The following POLR2M variants were observed in gnomAD, a reference collection of about 807,000 sequenced individuals.
POLR2M encodes the protein RNA polymerase II subunit M.
In POLR2M, 30 loss-of-function variants were observed where a neutral mutation model predicts 34.6. The ratio of observed to expected loss-of-function variants is 0.87; its 90% CI spans 0.65 to 1.18. The LOEUF (loss-of-function observed/expected upper bound fraction) is 1.18. POLR2M is among the 50% of genes most tolerant of loss of function. The pLI is 0.00. For missense variants in POLR2M, 432 were observed against 448.7 expected (o/e 0.96, Z 0.34); for synonymous variants, 150 against 166.7 (o/e 0.90, Z 0.77).
chr15:57,713,451 T>G (rs1172096476), intron 3 of POLR2M, among the ~76,000 whole-genome samples: 3 of 152,074 alleles, frequency 2.0e-5, no homozygotes, highest in Non-Finnish European at 2.9e-5. Flanking sequence ...AGCAGAGAAG[T>G]TGTAGTGGTA....
chr15:57,709,857 C>A (rs535999932), intron 2 of POLR2M, among the ~76,000 whole-genome samples: 1 of 152,188 alleles, frequency 6.6e-6, no homozygotes, highest in Non-Finnish European at 1.5e-5. Context: ...AGTGTACTCT[C>A]TTTGATTAGT....
intron 3 of POLR2M, among the ~76,000 whole-genome samples, chr15:57,712,941 A>G (rs1323374073): frequency 6.6e-6 from 1 of 152,184 alleles, no homozygotes; most frequent in Non-Finnish European, 1.5e-5. Context: ...TTGATTAGCT[A>G]GATTTTAGTC....
At position 57,711,985 on chromosome 15, in the gene POLR2M, T is replaced by C. The variant is rs200956600; in HGVS notation, c.760T>C (p.Leu254=). The C allele has an allele frequency of 6.2e-6, 10 of 1,614,010 alleles. No homozygotes were observed. The highest frequency in any genetic ancestry group is 5.9e-6 in the Non-Finnish European group (7 of 1,179,894). The change falls in exon 3 of 4, where the codon TTA becomes CTA. Residue 254 remains leucine (L), a splice_region_variant and synonymous_variant. Coordinates refer to ENST00000299638, the MANE Select transcript of POLR2M (RefSeq NM_015532.5). ...PQLRKFKTNV[L]PFRQNDSSSH... is the part of the protein sequence containing the mutation. ...TAACACAAGTTTTCCTTTCATCAGG[T>C]TACCTTTTCGACAAAATGATTCATC...
Position 57,708,905 on chromosome 15 carries a change from C to G in POLR2M, c.305C>G (p.Ser102Cys), listed in dbSNP as rs139100969. The change falls in exon 2 of 4, where the codon TCT becomes TGT. Residue 102 changes from serine (S) to cysteine (C), a missense_variant. Physicochemically the swap from Ser to Cys is moderately radical, Grantham distance 112. Transcript: ENST00000299638. ...VDVGTDKAQN[S>C]DPILDTSSLV... ...GTGGGTACAGATAAGGCCCAGAATT[C>G]TGACCCGATACTTGATACTTCATCA... The G allele has an allele frequency of 1.9e-6, 3 of 1,614,112 alleles. No individual in the cohort carries two copies. The highest frequency in any genetic ancestry group is 2.5e-6 in the Non-Finnish European group (3 of 1,179,974).
chr15:57,711,508 C>T (rs1595985639), intron 2 of POLR2M, among the ~76,000 whole-genome samples: 1 of 152,234 alleles, frequency 6.6e-6, no homozygotes, highest in African/African-American at 2.4e-5. Flanking sequence ...TGCTGGGATG[C>T]ACTTCTCTCC....
At chr15:57,712,694 G>T (rs2040781940) in intron 3 of POLR2M, among the ~76,000 whole-genome samples, 1 of 152,190 alleles carries the variant, frequency 6.6e-6, no homozygotes, top group African/African-American at 2.4e-5. Flanking sequence ...ATAATCTGCA[G>T]GCCCATGTGA....
intron 2 of POLR2M, among the ~76,000 whole-genome samples, chr15:57,710,762 G>C (rs368804781): frequency 6.6e-6 from 1 of 152,212 alleles, no homozygotes; most frequent in Non-Finnish European, 1.5e-5. Flanking sequence ...GAGACAGGGA[G>C]CCTCCTGTAT....
In POLR2M at chr15:57,716,068, G is replaced by T. The variant is rs543015717; in HGVS notation, c.*1389G>T. On this transcript the variant is annotated 3_prime_UTR_variant, in exon 4 of 4. Coordinates refer to ENST00000299638, the MANE Select transcript of POLR2M (RefSeq NM_015532.5). ...AAGAGTTCATGTGCCTGGACACACA[G>T]TTCCCTGTAATCCTGCCATCTAGGG... 1.3e-5 allele frequency: 2 copies of T among 152,418 alleles called. No individual in the cohort carries two copies. The highest frequency in any genetic ancestry group is 4.1e-4 in the South Asian group (2 of 4,834). 9.4% of individuals were successfully genotyped at this position (152,418 alleles called of 1,614,324 possible).
intron 3 of POLR2M, among the ~76,000 whole-genome samples, chr15:57,713,826 T>C (rs1487948226): frequency 0.026 from 228 of 8,726 alleles, 7 homozygotes; most frequent in African/African-American, 0.047. Context: ...CCTTCTTTTT[T>C]TTTTTTTTTT....
In POLR2M at chr15:57,714,696, C is replaced by CA. The variant is rs2040875814; in HGVS notation, c.*18dup. ...GAATTCTGAAGATAATCTCCTAAAT[C>CA]ACTGACGTTGAGATGTCATCATCTT... On this transcript the variant is annotated 3_prime_UTR_variant, in exon 4 of 4. Transcript: ENST00000299638. The CA allele has an allele frequency of 6.2e-7, 1 of 1,608,270 alleles. No individual in the cohort carries two copies. The highest frequency in any genetic ancestry group is 8.5e-7 in the Non-Finnish European group (1 of 1,177,984).
intron 3 of POLR2M, 53 bp from the exon 4 acceptor site, chr15:57,714,483 T>G: frequency 6.3e-7 from 1 of 1,596,888 alleles, no homozygotes; most frequent in Non-Finnish European, 8.5e-7. Flanking sequence ...ATTGAAAAAT[T>G]GTAAGGAAGA....
Position 57,706,848 on chromosome 15 carries a change from C to G in POLR2M, c.6C>G (p.Cys2Trp). 6.4e-7 allele frequency: 1 copy of G among 1,567,202 alleles called. No homozygotes were observed. The highest frequency in any genetic ancestry group is 2.4e-5 in the East Asian group (1 of 42,366). The change falls in exon 1 of 4, where the codon TGC becomes TGG. Residue 2 changes from cysteine to tryptophan, a missense_variant. Physicochemically the swap from Cys to Trp is radical, Grantham distance 215. Coordinates refer to ENST00000299638, the MANE Select transcript of POLR2M (RefSeq NM_015532.5). M[C>W]SLPRGFEPQA... ...CCAGCCTCAGCCCGCGCAGAATGTG[C>G]TCGCTGCCCCGCGGCTTCGAGCCCC...
At chr15:57,712,276 G>T in intron 3 of POLR2M, 88 bp downstream of exon 3, 1 of 1,460,764 alleles carries the variant, frequency 6.8e-7, no homozygotes, top group East Asian at 2.3e-5. Flanking sequence ...GGAAGGAATG[G>T]AATAGAGGGG....
Position 57,709,167 on chromosome 15 carries a change from CA to C in POLR2M, c.569del (p.Asn190ThrfsTer29). 1 of 1,614,244 alleles carries C rather than the reference CA, an allele frequency of 6.2e-7. No homozygotes were observed. The highest frequency in any genetic ancestry group is 8.5e-7 in the Non-Finnish European group (1 of 1,180,048). On this transcript the variant is annotated frameshift_variant, in exon 2 of 4. Transcript: ENST00000299638. LOFTEE classifies it high-confidence loss of function. Reference sequence around the variant, plus strand: ...CGGAAGATACTTCCAGCAGCTTTGACAACCTGTTTATTGACAGGTTACAGAG... The same window carrying C: ...CGGAAGATACTTCCAGCAGCTTTGACACCTGTTTATTGACAGGTTACAGAG... The part of the protein sequence containing the change: ...QAEDTSSSFD[N>X]LFIDRLQRIT...
Position 57,715,891 on chromosome 15 carries a change from G to C in POLR2M, c.*1212G>C, listed in dbSNP as rs867534736. On this transcript the variant is annotated 3_prime_UTR_variant, in exon 4 of 4. Transcript: ENST00000299638. ...AAAAGACTGTTCACATTTGCTTCCAGGTGTAATTATTGCTTTCATTCCTTA... is the reference window on the plus strand; with the variant it reads ...AAAAGACTGTTCACATTTGCTTCCACGTGTAATTATTGCTTTCATTCCTTA... The C allele has an allele frequency of 2.6e-4, 40 of 152,370 alleles. No individual in the cohort carries two copies. The highest frequency in any genetic ancestry group is 9.6e-4 in the African/African-American group (40 of 41,576). 9.4% of individuals were successfully genotyped at this position (152,370 alleles called of 1,614,324 possible).
chr15:57,706,796 C>G lies in POLR2M; in HGVS notation c.-47C>G, dbSNP rs1402550120. 4 of 1,538,430 alleles carry G rather than the reference C, an allele frequency of 2.6e-6. No homozygotes were observed. The highest frequency in any genetic ancestry group is 3.5e-6 in the Non-Finnish European group (4 of 1,137,858). ...ATCCGGCGCTAGTAGCGGGGCCTGC[C>G]GAGGAAGCCGAGTGCCCGCCGCCGC... On this transcript the variant is annotated 5_prime_UTR_variant, in exon 1 of 4. Coordinates refer to ENST00000299638, the MANE Select transcript of POLR2M (RefSeq NM_015532.5).
intron 1 of POLR2M, chr15:57,707,501 T>A: frequency 2.0e-6 from 1 of 496,656 alleles, no homozygotes; most frequent in Admixed American, 2.3e-5. Context: ...CAAAAGATGG[T>A]TTGAAGGAAT....
In POLR2M at chr15:57,715,922, C is replaced by G. The variant is rs1328780038; in HGVS notation, c.*1243C>G. Reference sequence around the variant, plus strand: ...ATTATTGCTTTCATTCCTTACCCCCCTCAAGCAAATGTGAAAAGTATACTG... The same window carrying G: ...ATTATTGCTTTCATTCCTTACCCCCGTCAAGCAAATGTGAAAAGTATACTG... On this transcript the variant is annotated 3_prime_UTR_variant, in exon 4 of 4. Transcript: ENST00000299638. The G allele has an allele frequency of 6.6e-6, 1 of 152,272 alleles. No homozygotes were observed. The highest frequency in any genetic ancestry group is 1.5e-5 in the Non-Finnish European group (1 of 68,046). The allele number at this position is 152,272 out of a possible 1,614,324, so 9.4% of individuals were successfully genotyped here.
rs1400763896 is a variant in POLR2M, at chr15:57,706,743, C to T, written c.-100C>T. ...TTCCGGGAAAATGGCGACTCCCGCT[C>T]GTGCCCCGGAGTCACCGCCGTCCGC... On this transcript the variant is annotated 5_prime_UTR_variant, in exon 1 of 4. Coordinates refer to ENST00000299638, the MANE Select transcript of POLR2M (RefSeq NM_015532.5). The T allele has an allele frequency of 1.2e-5, 16 of 1,347,718 alleles. No individual in the cohort carries two copies. The highest frequency in any genetic ancestry group is 5.1e-5 in the East Asian group (2 of 38,862). The allele number at this position is 1,347,718 out of a possible 1,614,324, so 83.5% of individuals were successfully genotyped here. A position where few individuals can be genotyped will look rare whatever the true frequency, so the allele number is the denominator to read the frequency against.
Sources: allele counts gnomAD v4.1 joint callset (sites outside exome capture counted in the v4.1 genomes callset), GRCh38; gene constraint gnomAD v4.1.1; transcripts MANE v1.5; gene names NCBI Gene and HGNC (gene_info 2026-07-23, HGNC 2026-07-21).